ACAD9: variants seen among roughly 807,000 people sequenced by gnomAD.
The protein encoded by ACAD9 is acyl-CoA dehydrogenase family member 9.
Under a neutral mutation model 70.2 loss-of-function variants are expected in ACAD9, and 53 were observed. The ratio of observed to expected loss-of-function variants is 0.75; its 90% CI spans 0.61 to 0.95. The LOEUF (loss-of-function observed/expected upper bound fraction) is 0.95, where lower values mean the gene tolerates loss of function less well. Ranked by LOEUF, ACAD9 falls within the 40% of genes least tolerant of loss-of-function variation. The pLI, the probability that ACAD9 is intolerant of heterozygous loss-of-function variation, is 0.00. For missense variants in ACAD9, 777 were observed against 802.8 expected (o/e 0.97, Z 0.39); for synonymous variants, 313 against 312.1 (o/e 1.00, Z -0.03).
At chr3:128,901,233 G>A in intron 7 of ACAD9, 43 bp from the exon 8 acceptor site, 2 of 1,570,212 alleles carry the variant, frequency 1.3e-6, no homozygotes, top group African/African-American at 2.7e-5. Context: ...GATGCAGAGT[G>A]GTTTGCATTG....
chr3:128,894,871 GATT>G (rs1935524623), intron 3 of ACAD9, among the ~76,000 whole-genome samples: 2 of 123,436 alleles, frequency 1.6e-5, no homozygotes, highest in African/African-American at 7.3e-5. Flanking sequence ...TCTGTATTGT[GATT>G]TTTTTTTTTT....
At chr3:128,905,151 A>AAAAAAAC (rs562486338) in intron 11 of ACAD9, among the ~76,000 whole-genome samples, 328 of 151,930 alleles carry the variant, frequency 2.2e-3, no homozygotes, top group Admixed American at 4.9e-3. Flanking sequence ...TCCATCTCAA[A>AAAAAAAC]AAAAAACAAA....
At chr3:128,895,452 T>C in intron 4 of ACAD9, 36 bp downstream of exon 4, 1 of 1,557,182 alleles carries the variant, frequency 6.4e-7, no homozygotes, top group Non-Finnish European at 8.7e-7. Context: ...GTGCTCTCTG[T>C]AGGTCTTCTG....
chr3:128,884,338 A>C (rs564879591), intron 1 of ACAD9, among the ~76,000 whole-genome samples: 1 of 152,202 alleles, frequency 6.6e-6, no homozygotes, highest in Non-Finnish European at 1.5e-5. Flanking sequence ...CCAGACCCCC[A>C]GGCTTCTAAA....
Position 128,899,378 on chromosome 3 carries a change from TCACAGCATTCATAGTAGAAAGAGA to T in ACAD9, c.727_750del (p.Thr243_Asp250del), listed in dbSNP as rs1458183331. 1 of 1,614,250 alleles carries T rather than the reference TCACAGCATTCATAGTAGAAAGAGA, an allele frequency of 6.2e-7. No individual in the cohort carries two copies. The highest frequency in any genetic ancestry group is 2.2e-5 in the East Asian group (1 of 44,888). On this transcript the variant is annotated inframe_deletion, in exon 7 of 18. Coordinates refer to ENST00000308982, the MANE Select transcript of ACAD9 (RefSeq NM_014049.5). ...TCTGATGGATCAGTGAAAGACAAAA[TCACAGCATTCATAGTAGAAAGAGA>T]CTTTGGTGGAGTCACTAATGGGAAA...
At chr3:128,910,885 G>A (rs1358978155) in intron 17 of ACAD9, 72 bp downstream of exon 17, 4 of 1,557,804 alleles carry the variant, frequency 2.6e-6, no homozygotes, top group Admixed American at 3.3e-5. Flanking sequence ...AGCTGTTTCT[G>A]GACCCTGTCA....
At chr3:128,910,289 T>G (rs146198221) in intron 16 of ACAD9, 140 bp downstream of exon 16, 322 of 1,510,724 alleles carry the variant, frequency 2.1e-4, no homozygotes, top group Middle Eastern at 1.4e-3. Context: ...CGTGGGAGGG[T>G]CTGTGCTGCT....
chr3:128,904,539 A>G, intron 11 of ACAD9, 34 bp downstream of exon 11: 1 of 1,607,342 alleles, frequency 6.2e-7, no homozygotes. Context: ...CTGGCGCTGG[A>G]GGGAGGCTTG....
Position 128,899,449 on chromosome 3 carries a change from C to T in ACAD9, c.796C>T (p.Arg266Trp), listed in dbSNP as rs753711253. 1.2e-5 allele frequency: 19 copies of T among 1,613,848 alleles called. No individual in the cohort carries two copies. Among genetic ancestry groups the T allele is most frequent in the Non-Finnish European group, 1.2e-5 (14 of 1,179,962 alleles). The change falls in exon 7 of 18, where the codon CGG (arginine) becomes TGG (tryptophan). Residue 266 changes from arginine (R) to tryptophan (W), a missense_variant. Arg to Trp is a moderately radical substitution (Grantham distance 101, BLOSUM62 -3). Coordinates refer to ENST00000308982, the MANE Select transcript of ACAD9 (RefSeq NM_014049.5). Reference sequence around the variant, plus strand: ...GAAACCCGAAGATAAATTAGGCATTCGGGGCTCCAACAGTAAGTAGCTCCT... The same window carrying T: ...GAAACCCGAAGATAAATTAGGCATTTGGGGCTCCAACAGTAAGTAGCTCCT... Reference protein sequence around the residue: ...NGKPEDKLGIRGSNTCEVHFE... With the variant: ...NGKPEDKLGIWGSNTCEVHFE...
intron 11 of ACAD9, among the ~76,000 whole-genome samples, chr3:128,904,792 C>T (rs1490369322): frequency 2.0e-5 from 3 of 152,176 alleles, no homozygotes; most frequent in African/African-American, 7.2e-5. Context: ...GTGAGAAAGA[C>T]TTCTTTTTTC....
chr3:128,902,522 G>C lies in ACAD9; in HGVS notation c.883-31G>C, dbSNP rs1455527088. 6.2e-7 allele frequency: 1 copy of C among 1,613,746 alleles called. No homozygotes were observed. Among genetic ancestry groups the C allele is most frequent in the South Asian group, 1.1e-5 (1 of 91,078 alleles). On this transcript the variant is annotated intron_variant, in intron 8 of 17. Coordinates refer to ENST00000308982, the MANE Select transcript of ACAD9 (RefSeq NM_014049.5). This position sits in a 1 kb window ranked among gnomAD's most constrained non-coding sequence, Gnocchi z 4.0. ...GGCCTCCTCCCTCTGCCTCCTTCAG[G>C]GCCCCTGGGCTCTCCCTGTTCTCCC...
At chr3:128,887,644 A>AATAAATATATAT (rs1436892805) in intron 2 of ACAD9, among the ~76,000 whole-genome samples, 8 of 133,114 alleles carry the variant, frequency 6.0e-5, no homozygotes, top group African/African-American at 1.7e-4. Context: ...AAAATAAATA[A>AATAAATATATAT]ATATATATAT....
In ACAD9 at chr3:128,890,105, TA is replaced by T. The variant is rs142163257; in HGVS notation, c.245-3449del. ...CCTCTTAAAGTGTTGGGATTACAGGTATGAACCACTGCGCCTGGCCTGTATT... is the reference window on the plus strand; with the variant it reads ...CCTCTTAAAGTGTTGGGATTACAGGTTGAACCACTGCGCCTGGCCTGTATT... On this transcript the variant is annotated intron_variant, in intron 2 of 17. Transcript: ENST00000308982. Among the ~76,000 whole-genome samples the T allele has an allele frequency of 4.2e-3, 646 of 152,228 alleles. 4 individuals carry two copies. The highest frequency in any genetic ancestry group is 0.015 in the African/African-American group (626 of 41,544).
intron 11 of ACAD9, among the ~76,000 whole-genome samples, chr3:128,905,469 A>G (rs1287105321): frequency 1.3e-5 from 2 of 152,238 alleles, no homozygotes; most frequent in Non-Finnish European, 1.5e-5. Flanking sequence ...AGTGAGAGGT[A>G]TGGCAGCTTA....
intron 13 of ACAD9, 144 bp downstream of exon 13, chr3:128,908,408 TGTGGTA>T (rs1332773461): frequency 5.1e-5 from 50 of 984,954 alleles, no homozygotes; most frequent in Non-Finnish European, 7.7e-5. Context: ...GACCTTCCCC[TGTGGTA>T]GTGGGGGGCT....
chr3:128,908,818 G>C (rs991133774), intron 13 of ACAD9, among the ~76,000 whole-genome samples, 155 bp from the exon 14 acceptor site: 2 of 152,218 alleles, frequency 1.3e-5, no homozygotes, highest in Admixed American at 1.3e-4. Flanking sequence ...TCTCTGGCAG[G>C]TGGTGGGTTT....
intron 7 of ACAD9, 145 bp from the exon 8 acceptor site, chr3:128,901,131 A>G: frequency 1.3e-6 from 1 of 781,996 alleles, no homozygotes; most frequent in Non-Finnish European, 2.2e-6. Flanking sequence ...GAGCCTCCAC[A>G]AAGATAGGAA....
At position 128,904,084 on chromosome 3, in the gene ACAD9, C is replaced by T. The variant is rs537393165; in HGVS notation, c.981C>T (p.Cys327=). The T allele has an allele frequency of 6.8e-6, 11 of 1,614,204 alleles. No individual in the cohort carries two copies. The African/African-American group carries it at 1.3e-4, about 20-fold the overall frequency. Reference sequence around the variant, plus strand: ...CAGAAATGACTGCTGAGTACGCCTGCACAAGGAAACAGTTTAACAAGAGGC... The same window carrying T: ...CAGAAATGACTGCTGAGTACGCCTGTACAAGGAAACAGTTTAACAAGAGGC... ...RLIEMTAEYA[C]TRKQFNKRLS... Residue 327 remains cysteine, a synonymous_variant, in exon 10 of 18, where the codon TGC becomes TGT. Transcript: ENST00000308982.
intron 2 of ACAD9, among the ~76,000 whole-genome samples, chr3:128,890,792 G>A (rs989798937): frequency 1.3e-5 from 2 of 151,610 alleles, no homozygotes; most frequent in Non-Finnish European, 2.9e-5. Flanking sequence ...AATTTTCAAT[G>A]TCTGCAAAAA....
Sources: allele counts gnomAD v4.1 joint callset (sites outside exome capture counted in the v4.1 genomes callset), GRCh38; gene constraint gnomAD v4.1.1; non-coding constraint Gnocchi (gnomAD v3.1); transcripts MANE v1.5; gene names NCBI Gene and HGNC (gene_info 2026-07-23, HGNC 2026-07-21).